Variants in LPIN1 observed in about 807,000 individuals in gnomAD.
LPIN1 encodes phosphatidate phosphatase LPIN1.
Under a neutral mutation model 107.5 loss-of-function variants are expected in LPIN1, and 71 were observed. The ratio of observed to expected loss-of-function variants is 0.66; its 90% CI spans 0.55 to 0.80. The LOEUF is 0.80. Ranked by LOEUF, LPIN1 falls within the 30% of genes least tolerant of loss-of-function variation. The pLI, the probability that LPIN1 is intolerant of heterozygous loss-of-function variation, is 0.00. For missense variants in LPIN1, 1,043 were observed against 1,160.6 expected (o/e 0.90, Z 1.47); for synonymous variants, 445 against 452.6 (o/e 0.98, Z 0.21).
At chr2:11,805,389 T>C in intron 17 of LPIN1, 1 of 611,256 alleles carries the variant, frequency 1.6e-6, no homozygotes, top group Admixed American at 2.5e-5. Context: ...TATAGGGGAA[T>C]TGATTACTAG....
intron 20 of LPIN1, among the ~76,000 whole-genome samples, chr2:11,822,809 G>A (rs1403045791): frequency 6.6e-6 from 1 of 152,196 alleles, no homozygotes; most frequent in Non-Finnish European, 1.5e-5. Flanking sequence ...CATGGAAAGA[G>A]GGACTCCAGC....
At chr2:11,819,339 T>G (rs1277299740) in intron 18 of LPIN1, 145 bp from the exon 19 acceptor site, 1 of 655,278 alleles carries the variant, frequency 1.5e-6, no homozygotes, top group African/African-American at 1.8e-5. Context: ...CGTGCTTTTC[T>G]GGGATGTCTC....
intron 1 of LPIN1, among the ~76,000 whole-genome samples, chr2:11,699,442 G>T (rs528730990): frequency 5.3e-5 from 8 of 152,210 alleles, no homozygotes; most frequent in African/African-American, 1.4e-4. Context: ...AGTCCCTGGG[G>T]GGGGCGTGCG....
At position 11,824,858 on chromosome 2, in the gene LPIN1, C is replaced by T; in HGVS notation, c.*67C>T. ...TGTCACCCATTAAAGGATAGGTCTC[C>T]CCGGAGTGCACAGCTCCACCTGGGA... On this transcript the variant is annotated 3_prime_UTR_variant, in exon 21 of 21. Coordinates refer to ENST00000674199, the MANE Select transcript of LPIN1 (RefSeq NM_001349206.2). 1 of 1,578,234 alleles carries T rather than the reference C, an allele frequency of 6.3e-7. No homozygotes were observed.
intron 1 of LPIN1, among the ~76,000 whole-genome samples, chr2:11,749,989 C>A (rs1667545143): frequency 6.6e-6 from 1 of 152,240 alleles, no homozygotes; most frequent in Non-Finnish European, 1.5e-5. Context: ...TGAGTGTGAG[C>A]TGATTTGCAT....
chr2:11,755,590 G>T (rs1668549229), intron 1 of LPIN1, among the ~76,000 whole-genome samples: 1 of 152,156 alleles, frequency 6.6e-6, no homozygotes. Context: ...GGTTGAGGCT[G>T]AAAGATAGAG....
At chr2:11,795,317 C>A in intron 13 of LPIN1, 91 bp from the exon 14 acceptor site, 1 of 1,040,360 alleles carries the variant, frequency 9.6e-7, no homozygotes, top group South Asian at 1.3e-5. Context: ...TTTAGGGGTC[C>A]TGCCTTAAGG....
chr2:11,693,788 G>GTATATATATATA (rs869167624), intron 1 of LPIN1, among the ~76,000 whole-genome samples: 4 of 40,982 alleles, frequency 9.8e-5, no homozygotes, highest in African/African-American at 3.8e-4. Flanking sequence ...GTGTGAGTGT[G>GTATATATATATA]TATATATATA....
chr2:11,802,914 C>T lies in LPIN1; in HGVS notation c.1894C>T (p.His632Tyr). Reference protein sequence around the residue: ...PQLSLATRVKHESSSSDEERA... With the variant: ...PQLSLATRVKYESSSSDEERA... Reference sequence around the variant, plus strand: ...CATCACTGTGTGTTCCAGGGTAAAGCATGAATCATCCTCCAGTGATGAGGA... The same window carrying T: ...CATCACTGTGTGTTCCAGGGTAAAGTATGAATCATCCTCCAGTGATGAGGA... Residue 632 changes from histidine (H) to tyrosine (Y), a missense_variant, in exon 15 of 21, where the codon CAT (histidine) becomes TAT (tyrosine). By Grantham distance (83) the His-to-Tyr change is moderately conservative (BLOSUM62 2). Coordinates refer to ENST00000674199, the MANE Select transcript of LPIN1 (RefSeq NM_001349206.2). 2.5e-6 allele frequency: 4 copies of T among 1,613,298 alleles called. No homozygotes were observed. The highest frequency in any genetic ancestry group is 3.4e-6 in the Non-Finnish European group (4 of 1,180,036).
intron 3 of LPIN1, 31 bp downstream of exon 3, chr2:11,767,889 C>T (rs1671187708): frequency 7.2e-7 from 1 of 1,384,852 alleles, no homozygotes; most frequent in African/African-American, 1.4e-5. Flanking sequence ...AGGGTTACTT[C>T]CTAGTTTTGA....
chr2:11,677,887 G>A (rs978693502), intron 1 of LPIN1, among the ~76,000 whole-genome samples: 5 of 152,380 alleles, frequency 3.3e-5, no homozygotes, highest in East Asian at 1.9e-4. Flanking sequence ...ATAGGTGACC[G>A]GCCCCGCTTG....
intron 1 of LPIN1, among the ~76,000 whole-genome samples, chr2:11,691,238 C>T (rs1312286998): frequency 6.6e-6 from 1 of 152,080 alleles, no homozygotes; most frequent in Non-Finnish European, 1.5e-5. Flanking sequence ...CAGAGCCAGG[C>T]CTTATAACAG....
At chr2:11,772,695 A>G (rs1572725529) in intron 4 of LPIN1, among the ~76,000 whole-genome samples, 1 of 152,186 alleles carries the variant, frequency 6.6e-6, no homozygotes, top group East Asian at 1.9e-4. Context: ...GTTTGTATGT[A>G]TTACTATTTT....
At chr2:11,800,201 A>AC (rs1677453032) in intron 14 of LPIN1, among the ~76,000 whole-genome samples, 1 of 152,054 alleles carries the variant, frequency 6.6e-6, no homozygotes, top group Non-Finnish European at 1.5e-5. Flanking sequence ...CGGTTGAATG[A>AC]ACTCTGGGCC....
chr2:11,798,501 T>C (rs1234343901), intron 14 of LPIN1, among the ~76,000 whole-genome samples: 1 of 152,208 alleles, frequency 6.6e-6, no homozygotes, highest in Non-Finnish European at 1.5e-5. Flanking sequence ...TCTTGCAGTT[T>C]ACTTGGGGTG....
In LPIN1 at chr2:11,792,025, G is replaced by C. The variant is rs373332024; in HGVS notation, c.1806+19G>C. 30 of 1,604,324 alleles carry C rather than the reference G, an allele frequency of 1.9e-5. No homozygotes were observed. The highest frequency in any genetic ancestry group is 2.5e-5 in the Non-Finnish European group (29 of 1,171,776). Reference sequence around the variant, plus strand: ...CAAGGAGGTAAGCCCAGAAGACAAAGCAGTGCTCACACTTAGCAAGTGTTG... The same window carrying C: ...CAAGGAGGTAAGCCCAGAAGACAAACCAGTGCTCACACTTAGCAAGTGTTG... On this transcript the variant is annotated intron_variant, in intron 13 of 20. Transcript: ENST00000674199.
chr2:11,822,721 C>T (rs1315966088), intron 20 of LPIN1, among the ~76,000 whole-genome samples: 1 of 152,136 alleles, frequency 6.6e-6, no homozygotes, highest in Non-Finnish European at 1.5e-5. Flanking sequence ...ACAGCCAAAC[C>T]ATATCAGGAT....
At chr2:11,789,133 T>C (rs1251450603) in intron 12 of LPIN1, among the ~76,000 whole-genome samples, 1 of 152,244 alleles carries the variant, frequency 6.6e-6, no homozygotes, top group Non-Finnish European at 1.5e-5. Context: ...GCCTTAGGCT[T>C]GTTTGTATCC....
chr2:11,757,243 T>G (rs1302025443), intron 1 of LPIN1, among the ~76,000 whole-genome samples: 3 of 152,210 alleles, frequency 2.0e-5, no homozygotes, highest in African/African-American at 7.2e-5. Context: ...CCTCTGCAGG[T>G]TTTGTTTATC....
Sources: allele counts gnomAD v4.1 joint callset (sites outside exome capture counted in the v4.1 genomes callset), GRCh38; gene constraint gnomAD v4.1.1; transcripts MANE v1.5; gene names NCBI Gene and HGNC (gene_info 2026-07-23, HGNC 2026-07-21).